Variants in ADD1 observed in about 807,000 individuals in gnomAD.
ADD1 encodes alpha-adducin.
A neutral mutation model predicts 80.5 loss-of-function variants in ADD1; 24 were observed. That is an observed-to-expected ratio of 0.30 (90% CI 0.22 to 0.42). The LOEUF (loss-of-function observed/expected upper bound fraction) is 0.42, where lower values mean the gene tolerates loss of function less well. Ranked by LOEUF, ADD1 falls within the 10% of genes least tolerant of loss-of-function variation. ADD1 has a pLI of 1.00. For synonymous variants in ADD1, 373 were observed against 393.8 expected (o/e 0.95, Z 0.63); for missense variants, 948 against 1,019.0 (o/e 0.93, Z 0.95).
At chr4:2,888,450 T>C (rs1358691055) in intron 4 of ADD1, among the ~76,000 whole-genome samples, 1 of 150,742 alleles carries the variant, frequency 6.6e-6, no homozygotes, top group Non-Finnish European at 1.5e-5. Context: ...AGAGTCTCAC[T>C]CTGTGGCCCA....
chr4:2,914,861 C>A, intron 13 of ADD1, 23 bp from the exon 14 acceptor site: 1 of 1,594,986 alleles, frequency 6.3e-7, no homozygotes, highest in Non-Finnish European at 8.6e-7. Context: ...CTCCTGCAGA[C>A]CAGATGTGCC....
intron 1 of ADD1, among the ~76,000 whole-genome samples, chr4:2,851,610 A>G (rs1474937838): frequency 1.3e-5 from 2 of 152,190 alleles, no homozygotes; most frequent in East Asian, 3.8e-4. Context: ...CATGCTTTCT[A>G]AGATTTTCTT....
chr4:2,847,508 G>C (rs16843454), intron 1 of ADD1, among the ~76,000 whole-genome samples: 2,649 of 151,974 alleles, frequency 0.017, 56 homozygotes, highest in African/African-American at 0.046. Flanking sequence ...GGTTCTACTT[G>C]CTCACTGTTT....
chr4:2,879,355 C>G (rs1053612544), intron 2 of ADD1, among the ~76,000 whole-genome samples: 2 of 152,120 alleles, frequency 1.3e-5, no homozygotes, highest in Non-Finnish European at 2.9e-5. Flanking sequence ...GTCTTCCTTA[C>G]CAAGCTTTAA....
intron 9 of ADD1, 157 bp from the exon 10 acceptor site, chr4:2,904,607 A>T (rs932980066): frequency 1.5e-6 from 1 of 681,586 alleles, no homozygotes; most frequent in African/African-American, 1.8e-5. Context: ...TGGTGAACAC[A>T]TTTGCTTCTG....
chr4:2,862,576 G>A (rs1186589119), intron 1 of ADD1, among the ~76,000 whole-genome samples: 3 of 152,060 alleles, frequency 2.0e-5, no homozygotes, highest in Non-Finnish European at 4.4e-5. Context: ...TGGATATATG[G>A]CCACCTGGCC....
Position 2,904,754 on chromosome 4 carries a change from T to C in ADD1, c.1162-10T>C. 6.2e-7 allele frequency: 1 copy of C among 1,608,212 alleles called. No homozygotes were observed. Among genetic ancestry groups the C allele is most frequent in the Non-Finnish European group, 8.5e-7 (1 of 1,174,768 alleles). ...AATATTGACTGTCTTTCACTCTCCT[T>C]GGACCCTAGGGCTACAGAACTGGCT... On this transcript the variant is annotated splice_polypyrimidine_tract_variant and intron_variant, in intron 9 of 15. Coordinates refer to ENST00000683351, the MANE Select transcript of ADD1 (RefSeq NM_001354761.2).
At chr4:2,864,519 A>G (rs566128706) in intron 1 of ADD1, among the ~76,000 whole-genome samples, 3 of 152,228 alleles carry the variant, frequency 2.0e-5, no homozygotes, top group African/African-American at 7.2e-5. Flanking sequence ...CAATGTTCCA[A>G]CAGTGTCCTC....
chr4:2,911,540 G>C (rs931771679), intron 13 of ADD1, among the ~76,000 whole-genome samples: 1 of 150,264 alleles, frequency 6.7e-6, no homozygotes, highest in Admixed American at 6.7e-5. Context: ...TCCGCCTCCC[G>C]GGCTCAAGCA....
chr4:2,883,361 A>G (rs1732697701), intron 3 of ADD1, among the ~76,000 whole-genome samples: 1 of 151,824 alleles, frequency 6.6e-6, no homozygotes, highest in Non-Finnish European at 1.5e-5. Flanking sequence ...ATTTAAACAT[A>G]GTCAGTGTGT....
intron 1 of ADD1, among the ~76,000 whole-genome samples, chr4:2,850,432 A>AT (rs528532218): frequency 1.4e-4 from 19 of 139,554 alleles, no homozygotes; most frequent in Non-Finnish European, 2.0e-4. Flanking sequence ...TGCCCGGCTG[A>AT]TTTTTTTTTC....
chr4:2,881,640 C>G (rs969908330), intron 2 of ADD1: 1 of 324,864 alleles, frequency 3.1e-6, no homozygotes, highest in African/African-American at 2.1e-5. Context: ...AGTCTTTGAG[C>G]ACTTCCTTGA....
chr4:2,894,832 C>T, intron 6 of ADD1, 101 bp downstream of exon 6: 1 of 1,277,482 alleles, frequency 7.8e-7, no homozygotes, highest in Non-Finnish European at 1.0e-6. Context: ...GTCAGTAAAA[C>T]TAATTTTGTT....
chr4:2,872,964 T>C (rs562683842), intron 1 of ADD1, among the ~76,000 whole-genome samples: 13 of 152,228 alleles, frequency 8.5e-5, no homozygotes, highest in African/African-American at 2.9e-4. Context: ...TTTCCCTTTC[T>C]CTCTCTTTTT....
intron 5 of ADD1, 78 bp downstream of exon 5, chr4:2,894,171 A>T: frequency 8.4e-7 from 1 of 1,184,098 alleles, no homozygotes; most frequent in Non-Finnish European, 1.3e-6. Context: ...TCAGCTAAAT[A>T]TGTAAAACCC....
intron 14 of ADD1, among the ~76,000 whole-genome samples, chr4:2,922,869 A>G (rs1442230105): frequency 6.6e-6 from 1 of 152,246 alleles, no homozygotes; most frequent in Non-Finnish European, 1.5e-5. Context: ...CAGTCTGGCT[A>G]CAGTGGCTTT....
chr4:2,898,080 C>G, intron 6 of ADD1, 104 bp from the exon 7 acceptor site: 2 of 1,397,540 alleles, frequency 1.4e-6, no homozygotes, highest in Non-Finnish European at 9.7e-7. Context: ...AGGACAAAAA[C>G]ATTTCCCTTC....
At position 2,875,862 on chromosome 4, in the gene ADD1, G is replaced by A. The variant is rs527290264; in HGVS notation, c.-20-34G>A. ...ATGAAACACTGTTAGACATTGATTT[G>A]AAAACAATAATTTCTTTTATTTTGA... is the stretch of plus-strand genomic sequence containing the variant. On this transcript the variant is annotated intron_variant, in intron 1 of 15. Transcript: ENST00000683351. 1.3e-5 allele frequency: 20 copies of A among 1,489,238 alleles called. No individual in the cohort carries two copies. In the African/African-American group the frequency reaches 2.8e-4, roughly 21 times the overall value. The allele number at this position is 1,489,238 out of a possible 1,614,324, so 92.3% of individuals were successfully genotyped here.
intron 1 of ADD1, among the ~76,000 whole-genome samples, chr4:2,858,595 G>A (rs1728409976): frequency 6.6e-6 from 1 of 152,264 alleles, no homozygotes; most frequent in Admixed American, 6.5e-5. Context: ...GACAGATTTT[G>A]GAAATATAAA....
Sources: gnomAD v4.1 joint callset for allele counts (sites outside exome capture counted in the v4.1 genomes callset) on GRCh38, gnomAD v4.1.1 for gene constraint, MANE v1.5 for transcripts, NCBI Gene and HGNC (gene_info 2026-07-23, HGNC 2026-07-21) for gene names.